Variants in HPCAL1 observed in about 807,000 individuals in gnomAD.
The protein encoded by HPCAL1 is hippocalcin like 1.
HPCAL1 carries 8 observed loss-of-function variants against 17.1 expected under a neutral mutation model. The ratio of observed to expected loss-of-function variants is 0.47; its 90% CI spans 0.27 to 0.84. The LOEUF (loss-of-function observed/expected upper bound fraction) is 0.84. Ranked by LOEUF, HPCAL1 falls within the 40% of genes least tolerant of loss-of-function variation. The pLI, the probability that HPCAL1 is intolerant of heterozygous loss-of-function variation, is 0.13. For missense variants in HPCAL1, 165 were observed against 271.1 expected (o/e 0.61, Z 2.75); for synonymous variants, 112 against 111.4 (o/e 1.01, Z -0.03).
At chr2:10,329,462 C>G (rs1664218710) in intron 1 of HPCAL1, among the ~76,000 whole-genome samples, 1 of 152,168 alleles carries the variant, frequency 6.6e-6, no homozygotes, top group Admixed American at 6.5e-5. Flanking sequence ...ACACTGCTGG[C>G]TCTGCTGACA....
At position 10,384,029 on chromosome 2, in the gene HPCAL1, CCA is replaced by C; in HGVS notation, c.-110-12792_-110-12791del. ...ATATACATCGCGTACACACACACAC[CCA>C]CACACACACACACCTTTTGCTGGTG... On this transcript the variant is annotated intron_variant, in intron 1 of 4. Coordinates refer to ENST00000307845, the MANE Select transcript of HPCAL1 (RefSeq NM_002149.4). This position sits in a 1 kb window ranked among gnomAD's most constrained non-coding sequence, Gnocchi z 4.4. 6.7e-6 allele frequency among the ~76,000 whole-genome samples: 1 copy of C among 149,970 alleles called. No homozygotes were observed. Among genetic ancestry groups the C allele is most frequent in the Non-Finnish European group, 1.5e-5 (1 of 67,340 alleles).
At chr2:10,400,772 TAC>T (rs56003766) in intron 2 of HPCAL1, among the ~76,000 whole-genome samples, 1 of 151,744 alleles carries the variant, frequency 6.6e-6, no homozygotes, top group East Asian at 1.9e-4. Flanking sequence ...CATGCACACA[TAC>T]ACACACGCAC....
At chr2:10,308,975 G>A (rs1455791251) in intron 1 of HPCAL1, among the ~76,000 whole-genome samples, 2 of 152,124 alleles carry the variant, frequency 1.3e-5, no homozygotes, top group Non-Finnish European at 2.9e-5. Context: ...GTGCTGAGGT[G>A]GGAGGATTGC....
chr2:10,340,913 A>G (rs1665039807), intron 1 of HPCAL1, among the ~76,000 whole-genome samples: 2 of 152,186 alleles, frequency 1.3e-5, no homozygotes, highest in Admixed American at 1.3e-4. Context: ...ATTAACTCTC[A>G]AACTCCTCTT....
chr2:10,355,146 G>A (rs777806463), intron 1 of HPCAL1, among the ~76,000 whole-genome samples: 4 of 152,208 alleles, frequency 2.6e-5, no homozygotes, highest in Admixed American at 6.5e-5. Flanking sequence ...ATTGGGCTTT[G>A]AAGGGTGCAT....
chr2:10,340,719 T>C (rs1461236752), intron 1 of HPCAL1, among the ~76,000 whole-genome samples: 2 of 152,172 alleles, frequency 1.3e-5, no homozygotes, highest in Non-Finnish European at 2.9e-5. Flanking sequence ...CTGAGTCTTA[T>C]CCCTAAGCAC....
rs1372955432 is a variant in HPCAL1 at position 10,362,267 on chromosome 2, G to T, written c.-110-34568G>T. On this transcript the variant is annotated intron_variant, in intron 1 of 4. Coordinates refer to ENST00000307845, the MANE Select transcript of HPCAL1 (RefSeq NM_002149.4). This position sits in a 1 kb window ranked among gnomAD's most constrained non-coding sequence, Gnocchi z 5.0. ...GAGGCAAACGGAGCTTCGGAACCCAGGTGTCGAGAATGAGCTGTTGGCACT... is the reference window on the plus strand; with the variant it reads ...GAGGCAAACGGAGCTTCGGAACCCATGTGTCGAGAATGAGCTGTTGGCACT... Among the ~76,000 whole-genome samples the T allele has an allele frequency of 2.6e-5, 4 of 152,156 alleles. No homozygotes were observed. Among genetic ancestry groups the T allele is most frequent in the African/African-American group, 9.7e-5 (4 of 41,418 alleles).
At chr2:10,416,153 C>T (rs1271429023) in intron 2 of HPCAL1, among the ~76,000 whole-genome samples, 1 of 152,214 alleles carries the variant, frequency 6.6e-6, no homozygotes, top group Non-Finnish European at 1.5e-5. Context: ...TCAAGGTAAC[C>T]TCAGGTCCTC....
At chr2:10,306,701 G>A (rs1214685749) in intron 1 of HPCAL1, among the ~76,000 whole-genome samples, 1 of 152,198 alleles carries the variant, frequency 6.6e-6, no homozygotes, top group Non-Finnish European at 1.5e-5. Context: ...AATCAATACG[G>A]TTTGACAGGT....
intron 2 of HPCAL1, among the ~76,000 whole-genome samples, chr2:10,405,442 C>T (rs1427284048): frequency 6.6e-6 from 1 of 152,224 alleles, no homozygotes; most frequent in Non-Finnish European, 1.5e-5. Flanking sequence ...GTGCTGGGTG[C>T]TGGCAGGGCA....
chr2:10,304,168 G>A lies in HPCAL1; in HGVS notation c.-111+991G>A, dbSNP rs912328460. The stretch of plus-strand genomic sequence containing the variant: ...CTCCGCGAGTGCCCGAGAGCGCCGC[G>A]CTGGGCGCCGGCCCTGCCCCAGCCC... On this transcript the variant is annotated intron_variant, in intron 1 of 4. Transcript: ENST00000307845. This position sits in a 1 kb window ranked among gnomAD's most constrained non-coding sequence, Gnocchi z 4.1. Among the ~76,000 whole-genome samples the A allele has an allele frequency of 1.3e-5, 2 of 152,192 alleles. No individual in the cohort carries two copies. Among genetic ancestry groups the A allele is most frequent in the African/African-American group, 4.8e-5 (2 of 41,462 alleles).
chr2:10,374,013 T>G (rs1271388068), intron 1 of HPCAL1, among the ~76,000 whole-genome samples: 1 of 152,176 alleles, frequency 6.6e-6, no homozygotes, highest in Non-Finnish European at 1.5e-5. Flanking sequence ...AAGTCCTCTG[T>G]CCCCTAGTCT....
At chr2:10,389,253 T>G (rs1668532071) in intron 1 of HPCAL1, among the ~76,000 whole-genome samples, 1 of 152,176 alleles carries the variant, frequency 6.6e-6, no homozygotes, top group African/African-American at 2.4e-5. Context: ...TGCATGTAAT[T>G]AAAAGTGGGA....
In HPCAL1 at chr2:10,330,606, G is replaced by A. The variant is rs1310059442; in HGVS notation, c.-111+27429G>A. ...TCTGTTCTCACACGGCCATCCCTCC[G>A]AGTGTGTCTGAGTCCCAGTCTCCTT... On this transcript the variant is annotated intron_variant, in intron 1 of 4. Transcript: ENST00000307845. This position sits in a 1 kb window ranked among gnomAD's most constrained non-coding sequence, Gnocchi z 4.2. 1.3e-5 allele frequency among the ~76,000 whole-genome samples: 2 copies of A among 152,244 alleles called. No individual in the cohort carries two copies. Among genetic ancestry groups the A allele is most frequent in the Middle Eastern group, 3.4e-3 (1 of 294 alleles).
chr2:10,388,951 G>A (rs1023838266), intron 1 of HPCAL1, among the ~76,000 whole-genome samples: 2 of 152,198 alleles, frequency 1.3e-5, no homozygotes, highest in African/African-American at 4.8e-5. Context: ...AAGAGGATGC[G>A]AGCCAGACCT....
At position 10,419,311 on chromosome 2, in the gene HPCAL1, C is replaced by T. The variant is rs951599916; in HGVS notation, c.-24-423C>T. Among the ~76,000 whole-genome samples the T allele has an allele frequency of 3.3e-5, 5 of 152,152 alleles. No homozygotes were observed. Among genetic ancestry groups the T allele is most frequent in the African/African-American group, 9.7e-5 (4 of 41,436 alleles). On this transcript the variant is annotated intron_variant, in intron 2 of 4. Transcript: ENST00000307845. This position sits in a 1 kb window ranked among gnomAD's most constrained non-coding sequence, Gnocchi z 5.0. ...TAAAGATAAAAACATAATGTGATGC[C>T]TGAAAGAGGGAAGAACTGCCCCAAA...
In HPCAL1 at chr2:10,419,700, G is replaced by T; in HGVS notation, c.-24-34G>T. The T allele has an allele frequency of 6.4e-7, 1 of 1,561,940 alleles. No individual in the cohort carries two copies. The highest frequency in any genetic ancestry group is 8.7e-7 in the Non-Finnish European group (1 of 1,154,966). ...TGGCTCAGCCCTGCTCCGTGGCCGT[G>T]GGTGGCGTCCCCGGCTGACCCCCTG... On this transcript the variant is annotated intron_variant, in intron 2 of 4. Transcript: ENST00000307845. The surrounding 1 kb of genome is among the most constrained non-coding windows in gnomAD (Gnocchi z 5.0).
At chr2:10,423,501 A>G (rs1341795031) in intron 4 of HPCAL1, 1 of 189,868 alleles carries the variant, frequency 5.3e-6, no homozygotes, top group Non-Finnish European at 1.1e-5. Flanking sequence ...ATCCTGAGAG[A>G]AGAAGCTGCC....
At chr2:10,345,640 A>G (rs953479210) in intron 1 of HPCAL1, among the ~76,000 whole-genome samples, 6 of 151,750 alleles carry the variant, frequency 4.0e-5, no homozygotes, top group Non-Finnish European at 8.8e-5. Flanking sequence ...TATTTTTTGT[A>G]GAGACAGGGT....
Sources: gnomAD v4.1 joint callset for allele counts (sites outside exome capture counted in the v4.1 genomes callset) on GRCh38, gnomAD v4.1.1 for gene constraint, Gnocchi (gnomAD v3.1) non-coding constraint, MANE v1.5 for transcripts, NCBI Gene and HGNC (gene_info 2026-07-23, HGNC 2026-07-21) for gene names.